MMS19: variants seen among roughly 807,000 people sequenced by gnomAD.
MMS19 encodes MMS19 cytosolic iron-sulfur assembly component, also known as MMS19 nucleotide excision repair protein homolog.
Under a neutral mutation model 129.8 loss-of-function variants are expected in MMS19, and 77 were observed. The observed-to-expected ratio is 0.59, with a 90% CI of 0.49 to 0.72. The LOEUF is 0.72. MMS19 is among the 30% of genes least tolerant of loss of function. The probability of loss-of-function intolerance (pLI) is 0.00; values close to 1 mark genes in which losing one functional copy is unlikely to be tolerated. For synonymous variants in MMS19, 491 were observed against 502.8 expected (o/e 0.98, Z 0.31); for missense variants, 1,168 against 1,266.3 (o/e 0.92, Z 1.18).
At chr10:97,473,821 G>A (rs1490297556) in intron 8 of MMS19, among the ~76,000 whole-genome samples, 1 of 152,020 alleles carries the variant, frequency 6.6e-6, no homozygotes, top group African/African-American at 2.4e-5. Context: ...GAGACCATAT[G>A]ACCCACAAAG....
In MMS19 at chr10:97,478,322, C is replaced by T; in HGVS notation, c.330G>A (p.Leu110=). Residue 110 remains leucine (L), a synonymous_variant, in exon 4 of 31, where the codon CTG becomes CTA. Transcript: ENST00000438925. The part of the protein sequence containing the change: ...KDHHLVIPSV[L]QGLKALSLCV... ...AACTCACAAGTGCCTTCAAACCCTG[C>T]AGGACAGATGGGATCACAAGATGAT... 1 of 1,601,682 alleles carries T rather than the reference C, an allele frequency of 6.2e-7. No homozygotes were observed. The highest frequency in any genetic ancestry group is 8.5e-7 in the Non-Finnish European group (1 of 1,174,134).
At position 97,459,293 on chromosome 10, in the gene MMS19, A is replaced by C; in HGVS notation, c.2905-11T>G. ...GGCGATCCGGACAGCCTGGAACACA[A>C]CCACAAGGAGGTGAGAGCATGCCCA... On this transcript the variant is annotated splice_polypyrimidine_tract_variant and intron_variant, in intron 28 of 30. Coordinates refer to ENST00000438925, the MANE Select transcript of MMS19 (RefSeq NM_022362.5). 6.2e-7 allele frequency: 1 copy of C among 1,613,424 alleles called. No individual in the cohort carries two copies. The highest frequency in any genetic ancestry group is 8.5e-7 in the Non-Finnish European group (1 of 1,179,594).
chr10:97,494,351 C>T (rs1163907336), intron 1 of MMS19, among the ~76,000 whole-genome samples: 2 of 152,158 alleles, frequency 1.3e-5, no homozygotes, highest in East Asian at 3.9e-4. Flanking sequence ...ACAAACAGAT[C>T]TCTGTCTGAT....
intron 1 of MMS19, among the ~76,000 whole-genome samples, chr10:97,494,421 T>C (rs1341293856): frequency 6.6e-6 from 1 of 151,948 alleles, no homozygotes; most frequent in Non-Finnish European, 1.5e-5. Flanking sequence ...GGGAAGCGGG[T>C]AGGGTGGGAG....
chr10:97,494,000 G>C (rs1041834850), intron 1 of MMS19, among the ~76,000 whole-genome samples: 2 of 152,134 alleles, frequency 1.3e-5, no homozygotes, highest in Non-Finnish European at 2.9e-5. Context: ...GGGCAACAGA[G>C]CAAAACTCCA....
chr10:97,480,214 G>A (rs565802673), intron 3 of MMS19: 2 of 456,036 alleles, frequency 4.4e-6, no homozygotes, highest in South Asian at 1.6e-5. Flanking sequence ...ATCAGACACC[G>A]CCTCCTCCAG....
intron 3 of MMS19, among the ~76,000 whole-genome samples, chr10:97,480,659 G>A (rs762612758): frequency 3.9e-5 from 6 of 152,114 alleles, no homozygotes; most frequent in South Asian, 2.1e-4. Flanking sequence ...TCGGCTCACT[G>A]CAACTTCCAT....
At chr10:97,489,493 T>C (rs1006450474) in intron 1 of MMS19, among the ~76,000 whole-genome samples, 2 of 152,244 alleles carry the variant, frequency 1.3e-5, no homozygotes, top group African/African-American at 4.8e-5. Context: ...TCTCTTAATG[T>C]TAACGTCTTA....
intron 1 of MMS19, among the ~76,000 whole-genome samples, chr10:97,490,903 A>G (rs563083116): frequency 1.3e-5 from 2 of 152,290 alleles, no homozygotes; most frequent in South Asian, 2.1e-4. Context: ...AAGGGAAAAA[A>G]TGAGCAGACT....
intron 1 of MMS19, 36 bp from the exon 2 acceptor site, chr10:97,484,187 A>AAAAAAAACC (rs1206174262): frequency 7.4e-7 from 1 of 1,346,132 alleles, no homozygotes; most frequent in Non-Finnish European, 1.0e-6. Flanking sequence ...TGAAAAATAA[A>AAAAAAAACC]AAAAAAACCT....
intron 8 of MMS19, among the ~76,000 whole-genome samples, chr10:97,475,174 G>A (rs2035506549): frequency 6.6e-6 from 1 of 151,992 alleles, no homozygotes; most frequent in Non-Finnish European, 1.5e-5. Flanking sequence ...CACTCTCCAA[G>A]ACATAGTGTT....
chr10:97,492,568 G>T (rs1365863558), intron 1 of MMS19, among the ~76,000 whole-genome samples: 1 of 151,756 alleles, frequency 6.6e-6, no homozygotes, highest in Non-Finnish European at 1.5e-5. Flanking sequence ...GAAGATGGTG[G>T]CCAGGCATGG....
chr10:97,487,310 G>T (rs901410504), intron 1 of MMS19, among the ~76,000 whole-genome samples: 10 of 134,398 alleles, frequency 7.4e-5, no homozygotes, highest in African/African-American at 2.8e-4. Flanking sequence ...TTAAATATGA[G>T]AAAATTTCTT....
At chr10:97,483,695 A>G (rs2037300790) in intron 2 of MMS19, among the ~76,000 whole-genome samples, 1 of 152,226 alleles carries the variant, frequency 6.6e-6, no homozygotes, top group East Asian at 1.9e-4. Context: ...CAGCAGGGTC[A>G]GCCTCCTGGG....
At position 97,462,010 on chromosome 10, in the gene MMS19, CTG is replaced by C. The variant is rs759619020; in HGVS notation, c.2115+5_2115+6del. ...AGCTTGAAGGATGTAAGTTCTAAGA[CTG>C]TTACCTGGAATGGCTGGAATCTGCT... On this transcript the variant is annotated splice_donor_5th_base_variant and intron_variant, in intron 21 of 30. Coordinates refer to ENST00000438925, the MANE Select transcript of MMS19 (RefSeq NM_022362.5). 3 of 1,583,276 alleles carry C rather than the reference CTG, an allele frequency of 1.9e-6. No individual in the cohort carries two copies. The highest frequency in any genetic ancestry group is 2.6e-6 in the Non-Finnish European group (3 of 1,164,300).
intron 2 of MMS19, among the ~76,000 whole-genome samples, chr10:97,482,706 C>CTGTGTG (rs369393413): frequency 2.3e-5 from 3 of 131,892 alleles, no homozygotes; most frequent in Non-Finnish European, 4.8e-5. Context: ...ATCAATAAGG[C>CTGTGTG]TGTGTGTGTG....
At chr10:97,467,762 C>T (rs1398362178) in intron 13 of MMS19, among the ~76,000 whole-genome samples, 179 bp from the exon 14 acceptor site, 2 of 151,956 alleles carry the variant, frequency 1.3e-5, no homozygotes, top group Non-Finnish European at 2.9e-5. Flanking sequence ...CTCCTAGGTT[C>T]AAGTGATTCT....
intron 8 of MMS19, among the ~76,000 whole-genome samples, chr10:97,475,594 C>T (rs1229858697): frequency 2.0e-5 from 3 of 151,540 alleles, no homozygotes; most frequent in East Asian, 1.9e-4. Context: ...AAAAATTAGC[C>T]GGGCATGGTG....
chr10:97,477,849 C>T lies in MMS19; in HGVS notation c.423+6G>A. The T allele has an allele frequency of 6.3e-7, 1 of 1,596,572 alleles. No homozygotes were observed. Among genetic ancestry groups the T allele is most frequent in the Non-Finnish European group, 8.5e-7 (1 of 1,171,870 alleles). On this transcript the variant is annotated splice_donor_region_variant and intron_variant, in intron 5 of 30. Transcript: ENST00000438925. ...GGAGAATACCAACATGACTGTTATC[C>T]CTCACCTGTACATGCACTTCCTGGA...
Sources: allele counts gnomAD v4.1 joint callset (sites outside exome capture counted in the v4.1 genomes callset), GRCh38; gene constraint gnomAD v4.1.1; transcripts MANE v1.5; gene names NCBI Gene and HGNC (gene_info 2026-07-23, HGNC 2026-07-21).